Variants in RXFP2 observed in about 807,000 individuals in gnomAD.
The protein encoded by RXFP2 is relaxin receptor 2.
A neutral mutation model predicts 88.6 loss-of-function variants in RXFP2; 68 were observed. The ratio of observed to expected loss-of-function variants is 0.77; its 90% confidence interval spans 0.63 to 0.94. The LOEUF (loss-of-function observed/expected upper bound fraction) is 0.94, where lower values mean the gene tolerates loss of function less well. RXFP2 is among the 40% of genes least tolerant of loss of function. The pLI, the probability that RXFP2 is intolerant of heterozygous loss-of-function variation, is 0.00. For missense variants in RXFP2, 791 were observed against 893.9 expected (o/e 0.88, Z 1.47); for synonymous variants, 329 against 306.8 (o/e 1.07, Z -0.76).
intron 1 of RXFP2, among the ~76,000 whole-genome samples, chr13:31,752,675 T>A (rs937941816): frequency 6.6e-6 from 1 of 151,856 alleles, no homozygotes; most frequent in Non-Finnish European, 1.5e-5. Flanking sequence ...CCAACAAAGG[T>A]GGACTTTTAG....
chr13:31,750,238 T>C (rs1315675423), intron 1 of RXFP2, among the ~76,000 whole-genome samples: 1 of 152,126 alleles, frequency 6.6e-6, no homozygotes, highest in Admixed American at 6.5e-5. Context: ...GCGTCAGGAA[T>C]GAAAGTTTCA....
At position 31,739,550 on chromosome 13, in the gene RXFP2, C is replaced by T. The variant is rs895545335; in HGVS notation, c.-63C>T. On this transcript the variant is annotated 5_prime_UTR_variant, in exon 1 of 18. Transcript: ENST00000298386. ...CAGAACATGGGAGGCACTGAACTTACTACATCAGAACTCCTGCTGAGGTAT... is the reference window on the plus strand; with the variant it reads ...CAGAACATGGGAGGCACTGAACTTATTACATCAGAACTCCTGCTGAGGTAT... The T allele has an allele frequency of 2.9e-6, 3 of 1,040,586 alleles. No individual in the cohort carries two copies. The highest frequency in any genetic ancestry group is 2.4e-5 in the East Asian group (1 of 42,208). The allele number at this position is 1,040,586 out of a possible 1,614,324, so 64.5% of individuals were successfully genotyped here. A position where few individuals can be genotyped will look rare whatever the true frequency, so the allele number is the denominator to read the frequency against.
intron 7 of RXFP2, among the ~76,000 whole-genome samples, chr13:31,777,038 A>C (rs1319736297): frequency 6.6e-6 from 1 of 152,170 alleles, no homozygotes; most frequent in East Asian, 1.9e-4. Context: ...AGGTTAAGGC[A>C]TTTATGGAGC....
In RXFP2 at chr13:31,786,491, G is replaced by T. The variant is rs1230715934; in HGVS notation, c.1001+37G>T. On this transcript the variant is annotated intron_variant, in intron 12 of 17. Transcript: ENST00000298386. ...TTCTCACCATAATCAGATTTAAAGG[G>T]CAATATTTTGAGCTTTCAAAATAAT... The T allele has an allele frequency of 1.9e-6, 3 of 1,545,204 alleles. No individual in the cohort carries two copies. In the Admixed American group the frequency reaches 5.0e-5, roughly 26 times the overall value.
At position 31,802,602 on chromosome 13, in the gene RXFP2, G is replaced by T. The variant is rs552958527; in HGVS notation, c.*197G>T. 43 of 633,394 alleles carry T rather than the reference G, an allele frequency of 6.8e-5. No individual in the cohort carries two copies. The highest frequency in any genetic ancestry group is 8.9e-4 in the Middle Eastern group (2 of 2,246). The allele number at this position is 633,394 out of a possible 1,614,324, so 39.2% of individuals were successfully genotyped here. A position where few individuals can be genotyped will look rare whatever the true frequency, so the allele number is the denominator to read the frequency against. On this transcript the variant is annotated 3_prime_UTR_variant, in exon 18 of 18. Coordinates refer to ENST00000298386, the MANE Select transcript of RXFP2 (RefSeq NM_130806.5). The stretch of plus-strand genomic sequence containing the variant: ...AACCATGCTGAGGACAGCACCAAAG[G>T]TTCCTCTCCTCACCCCACATGCCTG...
chr13:31,739,891 G>C (rs1871160893), intron 1 of RXFP2, among the ~76,000 whole-genome samples, 185 bp downstream of exon 1: 1 of 151,840 alleles, frequency 6.6e-6, no homozygotes, highest in Non-Finnish European at 1.5e-5. Flanking sequence ...ATTTTTAGAT[G>C]CAACAAATTT....
At chr13:31,781,621 T>A in intron 9 of RXFP2, 50 bp from the exon 10 acceptor site, 1 of 1,325,128 alleles carries the variant, frequency 7.5e-7, no homozygotes, top group Non-Finnish European at 1.1e-6. Context: ...TCTCTAAGCA[T>A]ATGATTTGTA....
intron 1 of RXFP2, among the ~76,000 whole-genome samples, chr13:31,743,833 C>T (rs1031340090): frequency 4.2e-4 from 64 of 152,054 alleles, no homozygotes; most frequent in Non-Finnish European, 1.3e-4. Flanking sequence ...CTCTCTTGCT[C>T]TCTGAGTTCC....
intron 17 of RXFP2, among the ~76,000 whole-genome samples, chr13:31,798,093 A>G (rs1874142146): frequency 1.3e-5 from 2 of 152,208 alleles, no homozygotes; most frequent in African/African-American, 2.4e-5. Context: ...TCCAGCCGAT[A>G]GCAGATCTAC....
Position 31,758,295 on chromosome 13 carries a change from A to G in RXFP2, c.132A>G (p.Ser44=). The G allele has an allele frequency of 6.2e-7, 1 of 1,614,038 alleles. No individual in the cohort carries two copies. Among genetic ancestry groups the G allele is most frequent in the South Asian group, 1.1e-5 (1 of 91,080 alleles). ...ALTQGSMITP[S]CQKGYFPCGN... is the part of the protein sequence containing the mutation. Reference sequence around the variant, plus strand: ...CTCAAGGTAGCATGATCACTCCTTCATGCCAAAAAGGATATTTTCCCTGTG... The same window carrying G: ...CTCAAGGTAGCATGATCACTCCTTCGTGCCAAAAAGGATATTTTCCCTGTG... Residue 44 remains serine, a synonymous_variant, in exon 2 of 18, where the codon TCA becomes TCG. Transcript: ENST00000298386.
In RXFP2 at chr13:31,796,038, C is replaced by CTTTTTTTTTTTTT. The variant is rs776535132; in HGVS notation, c.1787-1146_1787-1134dup. On this transcript the variant is annotated intron_variant, in intron 16 of 17. Coordinates refer to ENST00000298386, the MANE Select transcript of RXFP2 (RefSeq NM_130806.5). ...ATACATTTTTGTTCTATGTGTTATTCTTTTTTTTTTTTTTTTTTTTTTTTT... is the reference window on the plus strand; with the variant it reads ...ATACATTTTTGTTCTATGTGTTATTCTTTTTTTTTTTTTTTTTTTTTTTTTTTTTTTTTTTTTT... Among the ~76,000 whole-genome samples the CTTTTTTTTTTTTT allele has an allele frequency of 2.7e-4, 10 of 36,980 alleles. 1 individual carries two copies. Among genetic ancestry groups the CTTTTTTTTTTTTT allele is most frequent in the East Asian group, 1.1e-3 (1 of 924 alleles). The allele number at this position is 36,980 out of a possible 152,430, so 24.3% of individuals were successfully genotyped here. A position where few individuals can be genotyped will look rare whatever the true frequency, so the allele number is the denominator to read the frequency against.
In RXFP2 at chr13:31,753,451, TG is replaced by T. The variant is rs1748524769; in HGVS notation, c.95-4806del. On this transcript the variant is annotated intron_variant, in intron 1 of 17. Coordinates refer to ENST00000298386, the MANE Select transcript of RXFP2 (RefSeq NM_130806.5). ...TCGTATGTTCGAGCCTCCTCTCAGC[TG>T]TGTGTTTGGCAGAGGTCCCATGGAA... 2.6e-5 allele frequency among the ~76,000 whole-genome samples: 4 copies of T among 152,160 alleles called. No individual in the cohort carries two copies. The South Asian group carries it at 8.3e-4, about 32-fold the overall frequency.
intron 5 of RXFP2, among the ~76,000 whole-genome samples, chr13:31,766,453 A>C (rs529438700): frequency 2.0e-5 from 3 of 152,218 alleles, no homozygotes; most frequent in Non-Finnish European, 4.4e-5. Flanking sequence ...GAGTGAAAAC[A>C]CAGGAGTTAT....
chr13:31,770,783 G>T (rs1470363847), intron 5 of RXFP2, among the ~76,000 whole-genome samples: 2 of 152,072 alleles, frequency 1.3e-5, no homozygotes, highest in African/African-American at 4.8e-5. Context: ...ACAACTCTCT[G>T]ACCACCATAC....
At chr13:31,763,351 T>G (rs1015213773) in intron 3 of RXFP2, among the ~76,000 whole-genome samples, 9 of 152,180 alleles carry the variant, frequency 5.9e-5, no homozygotes, top group Admixed American at 5.9e-4. Context: ...CCCCAAAGTG[T>G]TGGGATTACG....
At chr13:31,776,096 CTTTTCT>C (rs757216699) in intron 7 of RXFP2, among the ~76,000 whole-genome samples, 1 of 131,184 alleles carries the variant, frequency 7.6e-6, no homozygotes, top group Non-Finnish European at 1.6e-5. Flanking sequence ...TTCTTTCTTT[CTTTTCT>C]TTTCTTTCTT....
intron 5 of RXFP2, among the ~76,000 whole-genome samples, chr13:31,769,304 C>T (rs1001837213): frequency 1.2e-4 from 18 of 152,114 alleles, no homozygotes; most frequent in Admixed American, 5.9e-4. Flanking sequence ...CTGCTCAAGG[C>T]GCCTCTAAAG....
rs2138475039 is a variant in RXFP2 at position 31,801,457 on chromosome 13, G to A, written c.2006-689G>A. Among the ~76,000 whole-genome samples, 2 of 152,120 alleles carry A rather than the reference G, an allele frequency of 1.3e-5. 1 individual carries two copies. Among genetic ancestry groups the A allele is most frequent in the Middle Eastern group, 6.8e-3 (2 of 294 alleles). On this transcript the variant is annotated intron_variant, in intron 17 of 17. Coordinates refer to ENST00000298386, the MANE Select transcript of RXFP2 (RefSeq NM_130806.5). ...CAACCTAGCTAAGTGTCCGGCCACA[G>A]GATCAGGCCACGTGTAAAGGGAAAG... is the stretch of plus-strand genomic sequence containing the variant.
intron 1 of RXFP2, among the ~76,000 whole-genome samples, chr13:31,756,382 A>G (rs930877860): frequency 6.6e-6 from 1 of 152,212 alleles, no homozygotes; most frequent in Admixed American, 6.5e-5. Flanking sequence ...TAACTAGGAA[A>G]TGCCCAGCAC....
Sources: allele counts gnomAD v4.1 joint callset (sites outside exome capture counted in the v4.1 genomes callset), GRCh38; gene constraint gnomAD v4.1.1; transcripts MANE v1.5; gene names NCBI Gene and HGNC (gene_info 2026-07-23, HGNC 2026-07-21).